UNC13C: variants seen among roughly 807,000 people sequenced by gnomAD.
UNC13C encodes the protein protein unc-13 homolog C.
Under a neutral mutation model 245.4 loss-of-function variants are expected in UNC13C, and 174 were observed. The observed-to-expected ratio is 0.71, with a 90% CI of 0.63 to 0.80. The LOEUF (loss-of-function observed/expected upper bound fraction) is 0.80, where lower values mean the gene tolerates loss of function less well. UNC13C is among the 30% of genes least tolerant of loss of function. The pLI, the probability that UNC13C is intolerant of heterozygous loss-of-function variation, is 0.00. For synonymous variants in UNC13C, 992 were observed against 895.1 expected, an observed-to-expected ratio of 1.11 and a Z score of -1.93; for missense variants, 2,829 against 2,602.9, an observed-to-expected ratio of 1.09 and a Z score of -1.89.
intron 4 of UNC13C, among the ~76,000 whole-genome samples, chr15:54,146,433 A>G (rs775996705): frequency 6.6e-6 from 1 of 152,232 alleles, no homozygotes; most frequent in Non-Finnish European, 1.5e-5. Context: ...CTGAAACCAG[A>G]TAATGAAATT....
intron 4 of UNC13C, among the ~76,000 whole-genome samples, chr15:54,182,577 T>C (rs909963136): frequency 2.6e-5 from 4 of 152,060 alleles, no homozygotes; most frequent in African/African-American, 9.7e-5. Flanking sequence ...ATAGTTTCAG[T>C]TGAATTGGTA....
At chr15:54,247,250 T>G (rs2036015586) in intron 7 of UNC13C, among the ~76,000 whole-genome samples, 1 of 152,164 alleles carries the variant, frequency 6.6e-6, no homozygotes, top group Non-Finnish European at 1.5e-5. Flanking sequence ...GGTTTCCCCT[T>G]ATTTTCCCCT....
chr15:53,870,668 CA>C, the UNC13C span, among the ~76,000 whole-genome samples: 1 of 152,150 alleles, frequency 6.6e-6, no homozygotes, highest in Non-Finnish European at 1.5e-5. Flanking sequence ...TGACATATGC[CA>C]GGCAAGAGTT....
chr15:54,020,850 CT>C (rs374137523), intron 2 of UNC13C, among the ~76,000 whole-genome samples: 2,862 of 150,976 alleles, frequency 0.019, 29 homozygotes, highest in South Asian at 0.066. Flanking sequence ...CAACTTGGGG[CT>C]TTTTTTTTGT....
At chr15:54,113,047 A>T (rs2029930418) in intron 2 of UNC13C, among the ~76,000 whole-genome samples, 1 of 152,066 alleles carries the variant, frequency 6.6e-6, no homozygotes, top group African/African-American at 2.4e-5. Context: ...GTATCTTGAT[A>T]AATTGTGTCA....
chr15:54,632,153 G>A (rs1443408245), downstream of UNC13C: 2 of 152,102 alleles, frequency 1.3e-5, no homozygotes, highest in East Asian at 3.9e-4. Flanking sequence ...TGAAGTATCT[G>A]CAAATCTTTT....
At chr15:54,265,070 T>C (rs1801191790) in intron 9 of UNC13C, among the ~76,000 whole-genome samples, 1 of 152,038 alleles carries the variant, frequency 6.6e-6, no homozygotes, top group South Asian at 2.1e-4. Context: ...CTCATTCCTC[T>C]GTACATGTAT....
chr15:54,148,568 T>G lies in UNC13C; in HGVS notation c.3071+4884T>G, dbSNP rs537323006. Among the ~76,000 whole-genome samples the G allele has an allele frequency of 3.3e-5, 5 of 152,312 alleles. No homozygotes were observed. The East Asian group carries it at 9.7e-4, about 29-fold the overall frequency. ...TTGACTTCCATGTTTAGCCAGGGCC[T>G]AAAATCTTCCACTTAGCATAGAAGA... On this transcript the variant is annotated intron_variant, in intron 4 of 32. Coordinates refer to ENST00000260323, the MANE Select transcript of UNC13C (RefSeq NM_001080534.3).
intron 1 of UNC13C, among the ~76,000 whole-genome samples, chr15:53,994,402 G>A (rs903117919): frequency 6.6e-6 from 1 of 151,974 alleles, no homozygotes; most frequent in Non-Finnish European, 1.5e-5. Context: ...TTAGTGTGAT[G>A]CTAATTTAAA....
intron 19 of UNC13C, among the ~76,000 whole-genome samples, chr15:54,474,981 C>T (rs1455110366): frequency 6.6e-6 from 1 of 151,900 alleles, no homozygotes; most frequent in Non-Finnish European, 1.5e-5. Flanking sequence ...AAGAAGGATA[C>T]CAAGCCATTA....
At chr15:53,942,590 A>T in the UNC13C span, among the ~76,000 whole-genome samples, 1 of 151,970 alleles carries the variant, frequency 6.6e-6, no homozygotes, top group East Asian at 1.9e-4. Flanking sequence ...GAATTAGTTC[A>T]TTACCAAGGC....
At chr15:53,903,843 TAGCTACA>T in the UNC13C span, among the ~76,000 whole-genome samples, 3 of 1,082 alleles carry the variant, frequency 2.8e-3, no homozygotes, top group Non-Finnish European at 5.8e-3. Context: ...GACAGCTACA[TAGCTACA>T]TTGGTGTTGT....
At chr15:54,088,120 A>AT (rs1435106096) in intron 2 of UNC13C, among the ~76,000 whole-genome samples, 1 of 149,136 alleles carries the variant, frequency 6.7e-6, no homozygotes, top group Non-Finnish European at 1.5e-5. Flanking sequence ...TGCCTCCTAT[A>AT]TTTTTTGTAT....
At chr15:54,484,416 A>G (rs1370426662) in intron 19 of UNC13C, among the ~76,000 whole-genome samples, 1 of 152,214 alleles carries the variant, frequency 6.6e-6, no homozygotes, top group East Asian at 1.9e-4. Context: ...AGGAACTCCT[A>G]TCCAGATGTT....
chr15:54,386,428 G>A (rs2039838992), intron 17 of UNC13C, among the ~76,000 whole-genome samples: 3 of 152,164 alleles, frequency 2.0e-5, no homozygotes, highest in Admixed American at 2.0e-4. Context: ...AAGGCCTCAG[G>A]TGTGATGTGT....
At chr15:54,244,458 CT>C (rs1243654995) in intron 7 of UNC13C, among the ~76,000 whole-genome samples, 1 of 152,054 alleles carries the variant, frequency 6.6e-6, no homozygotes, top group African/African-American at 2.4e-5. Flanking sequence ...TATTCAGGCT[CT>C]TTTTGGTTCC....
At chr15:53,892,451 A>T in the UNC13C span, among the ~76,000 whole-genome samples, 1 of 152,162 alleles carries the variant, frequency 6.6e-6, no homozygotes, top group Non-Finnish European at 1.5e-5. Context: ...GTTCTCCTGG[A>T]TAATATCCTG....
intron 4 of UNC13C, among the ~76,000 whole-genome samples, chr15:54,190,973 C>T (rs568806858): frequency 1.9e-4 from 29 of 151,928 alleles, no homozygotes; most frequent in South Asian, 2.1e-4. Flanking sequence ...ATGCACTTTC[C>T]GTAATAAGCA....
intron 30 of UNC13C, among the ~76,000 whole-genome samples, chr15:54,620,313 T>G (rs28391429): frequency 6.6e-6 from 1 of 151,944 alleles, no homozygotes; most frequent in Non-Finnish European, 1.5e-5. Flanking sequence ...GACAAGCAAT[T>G]TGAGAAAGGA....
Sources: allele counts gnomAD v4.1 joint callset (sites outside exome capture counted in the v4.1 genomes callset), GRCh38; gene constraint gnomAD v4.1.1; transcripts MANE v1.5; gene names NCBI Gene and HGNC (gene_info 2026-07-23, HGNC 2026-07-21).